Variants in PHYH observed in about 807,000 individuals in gnomAD.
PHYH encodes phytanoyl-CoA dioxygenase, peroxisomal.
PHYH carries 32 observed loss-of-function variants against 38.5 expected under a neutral mutation model. That is an observed-to-expected ratio of 0.83 (90% confidence interval 0.63 to 1.12). PHYH has a LOEUF of 1.12. Ranked by LOEUF, PHYH falls within the 50% of genes most tolerant of loss-of-function variation. The pLI is 0.00. For synonymous variants in PHYH, 166 were observed against 157.9 expected (o/e 1.05, Z -0.38); for missense variants, 426 against 434.8 (o/e 0.98, Z 0.18).
rs188807668 is a variant in PHYH, at chr10:13,294,687, G to C, written c.246-91C>G. 2.8e-4 allele frequency: 315 copies of C among 1,126,844 alleles called. 3 individuals are homozygous for C. The African/African-American group carries it at 4.3e-3, about 16-fold the overall frequency. The allele number at this position is 1,126,844 out of a possible 1,614,324, so 69.8% of individuals were successfully genotyped here. A position where few individuals can be genotyped will look rare whatever the true frequency, so the allele number is the denominator to read the frequency against. ...TGTGGAAAGGGTTGCAGACTTGAGG[G>C]GTGGTTTCTCTGCACTAAGTTGGCC... On this transcript the variant is annotated intron_variant, in intron 3 of 8. Transcript: ENST00000263038.
At chr10:13,299,402 C>T (rs866897607) in intron 1 of PHYH, 8 of 998,452 alleles carry the variant, frequency 8.0e-6, no homozygotes, top group Middle Eastern at 5.2e-4. Context: ...AGGCGTGTGC[C>T]GCCGCGCCAG....
intron 3 of PHYH, chr10:13,294,824 T>C (rs1001771909): frequency 1.1e-5 from 6 of 552,010 alleles, no homozygotes; most frequent in African/African-American, 1.9e-5. Context: ...GGAAGTCTTT[T>C]TATAATTTGG....
rs200592985 is a variant in PHYH at position 13,298,154 on chromosome 10, A to C, written c.134+33T>G. ...CACTCAAGAAACTTTTATATACATA[A>C]TATATTTCAAAATCAAAACTCAAAC... On this transcript the variant is annotated intron_variant, in intron 2 of 8. Coordinates refer to ENST00000263038, the MANE Select transcript of PHYH (RefSeq NM_006214.4). 3,809 of 1,373,502 alleles carry C rather than the reference A, an allele frequency of 2.8e-3. 13 individuals carry two copies. The highest frequency in any genetic ancestry group is 3.4e-3 in the Non-Finnish European group (3,315 of 961,284). The allele number at this position is 1,373,502 out of a possible 1,614,324, so 85.1% of individuals were successfully genotyped here.
intron 5 of PHYH, among the ~76,000 whole-genome samples, chr10:13,289,357 G>C (rs1011655721): frequency 1.3e-5 from 2 of 151,834 alleles, no homozygotes; most frequent in Non-Finnish European, 2.9e-5. Flanking sequence ...CACCACGCCC[G>C]GCTAATTTTT....
At position 13,278,120 on chromosome 10, in the gene PHYH, TTC is replaced by T. The variant is rs1316052604; in HGVS notation, c.*179_*180del. On this transcript the variant is annotated 3_prime_UTR_variant, in exon 9 of 9. Transcript: ENST00000263038. ...ATATTTCACTTTTACTGTTTTTTTT[TTC>T]CATTAAAGCAACACCATTGTGCTGC... 3 of 606,292 alleles carry T rather than the reference TTC, an allele frequency of 4.9e-6. No individual in the cohort carries two copies. The African/African-American group carries it at 5.6e-5, about 11-fold the overall frequency. 37.6% of individuals were successfully genotyped at this position (606,292 alleles called of 1,614,324 possible).
At chr10:13,292,202 GT>G (rs1835729542) in intron 4 of PHYH, among the ~76,000 whole-genome samples, 1 of 152,140 alleles carries the variant, frequency 6.6e-6, no homozygotes, top group Non-Finnish European at 1.5e-5. Context: ...TAGCTTTCTT[GT>G]CAACCCAAGC....
At chr10:13,283,293 C>G (rs999022326) in intron 7 of PHYH, among the ~76,000 whole-genome samples, 1 of 151,980 alleles carries the variant, frequency 6.6e-6, no homozygotes, top group Non-Finnish European at 1.5e-5. Flanking sequence ...CCTCGCCCAG[C>G]TAATTTTTTG....
chr10:13,286,198 G>A (rs1371921537), intron 6 of PHYH, among the ~76,000 whole-genome samples: 14 of 152,144 alleles, frequency 9.2e-5, no homozygotes, highest in South Asian at 4.1e-4. Context: ...TAGACCTAAC[G>A]CGTTAATAGT....
intron 5 of PHYH, among the ~76,000 whole-genome samples, chr10:13,289,288 C>G (rs980360134): frequency 6.6e-6 from 1 of 152,270 alleles, no homozygotes; most frequent in Non-Finnish European, 1.5e-5. Flanking sequence ...CTCCGCCTCC[C>G]AGGTTCACGC....
At chr10:13,289,439 C>T (rs1269181881) in intron 5 of PHYH, among the ~76,000 whole-genome samples, 5 of 152,092 alleles carry the variant, frequency 3.3e-5, no homozygotes, top group Non-Finnish European at 1.5e-5. Flanking sequence ...TCGTGATCCG[C>T]CCGCCTCGGC....
chr10:13,299,102 C>T (rs1413749409), intron 1 of PHYH, among the ~76,000 whole-genome samples: 1 of 146,274 alleles, frequency 6.8e-6, no homozygotes, highest in African/African-American at 2.5e-5. Context: ...TGCACTCCAG[C>T]CTGGGTGACA....
intron 6 of PHYH, among the ~76,000 whole-genome samples, chr10:13,286,920 G>T (rs1350056639): frequency 6.6e-6 from 1 of 152,202 alleles, no homozygotes; most frequent in African/African-American, 2.4e-5. Flanking sequence ...TATCTTGATT[G>T]TGGTGATGAT....
chr10:13,292,780 A>T (rs1053692639), intron 4 of PHYH, among the ~76,000 whole-genome samples: 12 of 152,050 alleles, frequency 7.9e-5, no homozygotes, highest in African/African-American at 2.9e-4. Flanking sequence ...TAAAAATACA[A>T]AAATTCGCCG....
At chr10:13,293,535 C>T (rs1323440942) in intron 4 of PHYH, among the ~76,000 whole-genome samples, 4 of 152,060 alleles carry the variant, frequency 2.6e-5, no homozygotes, top group African/African-American at 2.4e-5. Context: ...CTTCTGACCT[C>T]GTGATCTGCC....
Position 13,286,442 on chromosome 10 carries a change from G to A in PHYH, c.678+1918C>T, listed in dbSNP as rs1350229148. ...GGGAAAGAACTACTGTTGGCCAGGC[G>A]CGGTGAGCCCAGCACTTTGGGAGGC... On this transcript the variant is annotated intron_variant, in intron 6 of 8. Transcript: ENST00000263038. 2.6e-5 allele frequency among the ~76,000 whole-genome samples: 4 copies of A among 152,048 alleles called. No individual in the cohort carries two copies. In the South Asian group the frequency reaches 6.2e-4, roughly 24 times the overall value.
At chr10:13,297,588 G>A (rs1260457462) in intron 2 of PHYH, among the ~76,000 whole-genome samples, 1 of 151,788 alleles carries the variant, frequency 6.6e-6, no homozygotes, top group Non-Finnish European at 1.5e-5. Flanking sequence ...TGAGTAGCTG[G>A]GATTATAGGT....
chr10:13,298,952 TAATAATAATAATAAC>T lies in PHYH; in HGVS notation c.76-722_76-708del, dbSNP rs1356693385. Among the ~76,000 whole-genome samples, 1,009 of 64,480 alleles carry T rather than the reference TAATAATAATAATAAC, an allele frequency of 0.016. 8 individuals carry two copies. The East Asian group carries it at 0.22, about 14-fold the overall frequency. The allele number at this position is 64,480 out of a possible 152,430, so 42.3% of individuals were successfully genotyped here. On this transcript the variant is annotated intron_variant, in intron 1 of 8. Transcript: ENST00000263038. ...ATAATAATAATAATAATAATAATAA[TAATAATAATAATAAC>T]AACAATAACAACAACAACATAAATT...
chr10:13,292,326 T>A (rs971348269), intron 4 of PHYH, among the ~76,000 whole-genome samples: 1 of 152,152 alleles, frequency 6.6e-6, no homozygotes, highest in Admixed American at 6.6e-5. Flanking sequence ...GAAAGCAGAA[T>A]GGTGGCTTGG....
At chr10:13,287,129 AAG>A (rs1835571373) in intron 6 of PHYH, among the ~76,000 whole-genome samples, 2 of 152,078 alleles carry the variant, frequency 1.3e-5, no homozygotes, top group South Asian at 4.2e-4. Flanking sequence ...TCACGAGTTA[AAG>A]AGATCAGGAC....
Sources: gnomAD v4.1 joint callset for allele counts (sites outside exome capture counted in the v4.1 genomes callset) on GRCh38, gnomAD v4.1.1 for gene constraint, MANE v1.5 for transcripts, NCBI Gene and HGNC (gene_info 2026-07-23, HGNC 2026-07-21) for gene names.